The following ADGRB3 variants were observed in gnomAD, a reference collection of about 807,000 sequenced individuals.
ADGRB3 encodes the protein adhesion G protein-coupled receptor B3, also known as brain-specific angiogenesis inhibitor 3.
ADGRB3 carries 37 observed loss-of-function variants against 193.4 expected under a neutral mutation model. The observed-to-expected ratio is 0.19, with a 90% CI of 0.15 to 0.25. The LOEUF (loss-of-function observed/expected upper bound fraction) is 0.25. Among genes scored for constraint, ADGRB3 ranks in the 10% least tolerant of loss-of-function variants. The probability of loss-of-function intolerance (pLI) is 1.00; values close to 1 mark genes in which losing one functional copy is unlikely to be tolerated. For missense variants in ADGRB3, 1,637 were observed against 1,852.9 expected (o/e 0.88, Z 2.14); for synonymous variants, 690 against 644.2 (o/e 1.07, Z -1.08).
At chr6:68,833,886 TG>T (rs1380619679) in intron 3 of ADGRB3, among the ~76,000 whole-genome samples, 11 of 151,424 alleles carry the variant, frequency 7.3e-5, no homozygotes, top group African/African-American at 2.7e-4. Flanking sequence ...AATGTCAATT[TG>T]TTTGCTGTGA....
At chr6:69,366,564 G>T (rs550222689) in intron 29 of ADGRB3, among the ~76,000 whole-genome samples, 1 of 152,140 alleles carries the variant, frequency 6.6e-6, no homozygotes, top group African/African-American at 2.4e-5. Flanking sequence ...GTATTCCTTT[G>T]AGTAGCTTCA....
chr6:68,792,902 A>G (rs1247222698), intron 3 of ADGRB3, among the ~76,000 whole-genome samples: 1 of 152,018 alleles, frequency 6.6e-6, no homozygotes, highest in African/African-American at 2.4e-5. Flanking sequence ...AGCAAAGTTA[A>G]CCCCTGGTCA....
chr6:69,299,043 A>G (rs956739382), intron 20 of ADGRB3, among the ~76,000 whole-genome samples: 2 of 151,778 alleles, frequency 1.3e-5, no homozygotes, highest in African/African-American at 2.4e-5. Context: ...ACCAGCATTC[A>G]TTATTGCCTG....
At chr6:69,235,667 C>T (rs1766246724) in intron 19 of ADGRB3, among the ~76,000 whole-genome samples, 1 of 151,906 alleles carries the variant, frequency 6.6e-6, no homozygotes, top group Non-Finnish European at 1.5e-5. Context: ...TCCAAGAAGT[C>T]AGACTTTGAC....
At position 69,020,497 on chromosome 6, in the gene ADGRB3, G is replaced by T. The variant is rs117732294; in HGVS notation, c.2107+1998G>T. ...GTGTATTTTTTTGCAATAAGATTAT[G>T]TTATCTAGGTTTACCTTCTTCCCTT... On this transcript the variant is annotated intron_variant, in intron 13 of 31. Coordinates refer to ENST00000370598, the MANE Select transcript of ADGRB3 (RefSeq NM_001704.3). 7.8e-3 allele frequency among the ~76,000 whole-genome samples: 1,193 copies of T among 152,032 alleles called. 15 individuals are homozygous for T. Among genetic ancestry groups the T allele is most frequent in the Middle Eastern group, 0.024 (7 of 294 alleles).
chr6:68,691,192 A>G (rs1007196714), intron 3 of ADGRB3, among the ~76,000 whole-genome samples: 2 of 152,120 alleles, frequency 1.3e-5, no homozygotes, highest in African/African-American at 4.8e-5. Flanking sequence ...ACAAAACTGA[A>G]TGTACTTTAT....
chr6:68,885,838 G>C (rs975596914), intron 3 of ADGRB3, among the ~76,000 whole-genome samples: 2 of 151,988 alleles, frequency 1.3e-5, no homozygotes, highest in African/African-American at 4.8e-5. Context: ...CCTGACAAAG[G>C]GATTTGAAAG....
chr6:69,287,621 C>T (rs559987461), intron 20 of ADGRB3, among the ~76,000 whole-genome samples: 5 of 152,204 alleles, frequency 3.3e-5, no homozygotes, highest in Admixed American at 6.5e-5. Flanking sequence ...CTGAGAACCA[C>T]GAAGGTTAAG....
intron 17 of ADGRB3, among the ~76,000 whole-genome samples, chr6:69,082,008 G>T (rs906118537): frequency 2.0e-5 from 3 of 152,022 alleles, no homozygotes; most frequent in Admixed American, 1.3e-4. Context: ...TACAACCTGT[G>T]TCACAAATAC....
intron 3 of ADGRB3, among the ~76,000 whole-genome samples, chr6:68,892,308 C>T (rs1766101436): frequency 6.6e-6 from 1 of 152,162 alleles, no homozygotes; most frequent in Non-Finnish European, 1.5e-5. Flanking sequence ...TCCAGCCTCA[C>T]TCCATCCATC....
chr6:68,985,041 ATAT>A (rs919720123), intron 10 of ADGRB3, among the ~76,000 whole-genome samples: 1 of 152,128 alleles, frequency 6.6e-6, no homozygotes, highest in Admixed American at 6.6e-5. Context: ...TATTAGAGAA[ATAT>A]AATAGGATTA....
chr6:68,771,412 A>G (rs1347183707), intron 3 of ADGRB3, among the ~76,000 whole-genome samples: 1 of 143,608 alleles, frequency 7.0e-6, no homozygotes, highest in Non-Finnish European at 1.6e-5. Context: ...ACACACACAC[A>G]TATATGTATA....
At chr6:69,312,251 A>G (rs1381125763) in intron 20 of ADGRB3, among the ~76,000 whole-genome samples, 1 of 151,754 alleles carries the variant, frequency 6.6e-6, no homozygotes. Flanking sequence ...GATTGACTGG[A>G]TGTGAGGGAA....
At chr6:69,040,301 CTCTG>C (rs1181088498) in intron 13 of ADGRB3, among the ~76,000 whole-genome samples, 1 of 150,302 alleles carries the variant, frequency 6.7e-6, no homozygotes, top group East Asian at 2.0e-4. Flanking sequence ...TCCTTCCTTT[CTCTG>C]TCTCTTTCTT....
chr6:68,826,430 G>C lies in ADGRB3; in HGVS notation c.758-104129G>C, dbSNP rs574563727. On this transcript the variant is annotated intron_variant, in intron 3 of 31. Transcript: ENST00000370598. The stretch of plus-strand genomic sequence containing the variant: ...TAGATAAATAAAAGCAAGGGAGTCT[G>C]CTTGGCTGGAGCAGAGTGATCATGG... Among the ~76,000 whole-genome samples, 3 of 152,292 alleles carry C rather than the reference G, an allele frequency of 2.0e-5. No homozygotes were observed. In the East Asian group the frequency reaches 5.8e-4, roughly 29 times the overall value.
chr6:69,067,373 T>A (rs907467767), intron 16 of ADGRB3, among the ~76,000 whole-genome samples: 3 of 152,156 alleles, frequency 2.0e-5, no homozygotes, highest in Non-Finnish European at 4.4e-5. Flanking sequence ...AAACCAATTT[T>A]AAATGAAAAT....
chr6:69,317,381 A>G (rs1582627827), intron 20 of ADGRB3, among the ~76,000 whole-genome samples: 1 of 151,418 alleles, frequency 6.6e-6, no homozygotes, highest in Non-Finnish European at 1.5e-5. Context: ...ACACCTATCC[A>G]CTAGTGAGAT....
chr6:69,382,306 A>C (rs1769966043), intron 30 of ADGRB3, among the ~76,000 whole-genome samples: 1 of 151,940 alleles, frequency 6.6e-6, no homozygotes, highest in Non-Finnish European at 1.5e-5. Flanking sequence ...GCAAGGTTTT[A>C]CATCCCACAT....
At chr6:69,003,954 G>T (rs1228408395) in intron 11 of ADGRB3, among the ~76,000 whole-genome samples, 1 of 152,142 alleles carries the variant, frequency 6.6e-6, no homozygotes, top group Non-Finnish European at 1.5e-5. Flanking sequence ...GCCATGTGCA[G>T]TAAATAAATT....
Sources: allele counts gnomAD v4.1 joint callset (sites outside exome capture counted in the v4.1 genomes callset), GRCh38; gene constraint gnomAD v4.1.1; transcripts MANE v1.5; gene names NCBI Gene and HGNC (gene_info 2026-07-23, HGNC 2026-07-21).